The following HS3ST4 variants were observed in gnomAD, a reference collection of about 807,000 sequenced individuals.
The protein encoded by HS3ST4 is heparan sulfate-glucosamine 3-sulfotransferase 4.
Under a neutral mutation model 29.2 loss-of-function variants are expected in HS3ST4, and 17 were observed. The observed-to-expected ratio is 0.58, with a 90% CI of 0.40 to 0.87. The LOEUF is 0.87. Among genes scored for constraint, HS3ST4 ranks in the 40% least tolerant of loss-of-function variants. HS3ST4 has a pLI of 0.00. For synonymous variants in HS3ST4, 314 were observed against 285.7 expected (o/e 1.10, Z -1.00); for missense variants, 627 against 634.5 (o/e 0.99, Z 0.13).
At chr16:25,720,008 A>G (rs1966482496) in intron 1 of HS3ST4, among the ~76,000 whole-genome samples, 1 of 152,194 alleles carries the variant, frequency 6.6e-6, no homozygotes, top group South Asian at 2.1e-4. Flanking sequence ...CTTATATTCT[A>G]TGGGGGAAGA....
Position 25,961,806 on chromosome 16 carries a change from C to CA in HS3ST4, c.735-173797dup, listed in dbSNP as rs5816336. Among the ~76,000 whole-genome samples, 619 of 145,202 alleles carry CA rather than the reference C, an allele frequency of 4.3e-3. 13 individuals carry two copies. The highest frequency in any genetic ancestry group is 6.8e-3 in the Middle Eastern group (2 of 292). On this transcript the variant is annotated intron_variant, in intron 1 of 1. Transcript: ENST00000331351. ...ACTACAAGCCAATGAAAGAGTTGGA[C>CA]AAAAAAAAATTAATGACCTAAAATC...
chr16:25,843,283 A>T (rs777243906), intron 1 of HS3ST4, among the ~76,000 whole-genome samples: 88 of 152,140 alleles, frequency 5.8e-4, no homozygotes, highest in Non-Finnish European at 1.2e-4. Flanking sequence ...CTGGGAGCTG[A>T]CCACTGGAGC....
intron 1 of HS3ST4, among the ~76,000 whole-genome samples, chr16:25,875,523 A>C (rs1174103918): frequency 6.6e-6 from 1 of 152,112 alleles, no homozygotes; most frequent in East Asian, 1.9e-4. Context: ...TCCCTGGTCC[A>C]TCACATTCCC....
chr16:25,952,062 C>T (rs1333614128), intron 1 of HS3ST4, among the ~76,000 whole-genome samples: 1 of 152,098 alleles, frequency 6.6e-6, no homozygotes, highest in Non-Finnish European at 1.5e-5. Flanking sequence ...CTTCATTGTC[C>T]ATAAGTGAAA....
intron 1 of HS3ST4, among the ~76,000 whole-genome samples, chr16:25,810,503 C>A (rs983698978): frequency 2.6e-5 from 4 of 152,128 alleles, no homozygotes. Context: ...AGCTCTACTT[C>A]TCTGTTGCGT....
chr16:26,110,804 A>T (rs1899118471), intron 1 of HS3ST4, among the ~76,000 whole-genome samples: 1 of 151,942 alleles, frequency 6.6e-6, no homozygotes, highest in Admixed American at 6.6e-5. Context: ...TACCTCTCTG[A>T]TCTCTCCTTC....
chr16:25,968,590 T>C (rs917845016), intron 1 of HS3ST4, among the ~76,000 whole-genome samples: 9 of 152,176 alleles, frequency 5.9e-5, no homozygotes, highest in African/African-American at 2.2e-4. Flanking sequence ...CAATGTAGTA[T>C]TTAAGAGAAT....
intron 1 of HS3ST4, among the ~76,000 whole-genome samples, chr16:26,064,906 C>T (rs907020050): frequency 2.0e-5 from 3 of 152,114 alleles, no homozygotes; most frequent in East Asian, 1.9e-4. Flanking sequence ...CATGAGCCAC[C>T]GTGCCCAGCA....
At position 26,096,367 on chromosome 16, in the gene HS3ST4, C is replaced by A. The variant is rs144845123; in HGVS notation, c.735-39245C>A. Among the ~76,000 whole-genome samples the A allele has an allele frequency of 3.7e-3, 568 of 152,274 alleles. 3 individuals carry two copies. Among genetic ancestry groups the A allele is most frequent in the Non-Finnish European group, 6.1e-3 (417 of 68,022 alleles). The stretch of plus-strand genomic sequence containing the variant: ...TCAATAAAATACTGGCAAACCGAAT[C>A]CAGCAGCACATCAAAAAGCTTACCC... On this transcript the variant is annotated intron_variant, in intron 1 of 1. Transcript: ENST00000331351.
At chr16:25,849,726 T>C (rs1967499220) in intron 1 of HS3ST4, among the ~76,000 whole-genome samples, 3 of 151,672 alleles carry the variant, frequency 2.0e-5, no homozygotes, top group African/African-American at 7.3e-5. Flanking sequence ...AGGCTGGTCT[T>C]GAACTCCTGG....
intron 1 of HS3ST4, among the ~76,000 whole-genome samples, chr16:26,128,329 A>G (rs1899373746): frequency 6.6e-6 from 1 of 152,218 alleles, no homozygotes; most frequent in African/African-American, 2.4e-5. Context: ...CGTAATAAGC[A>G]CCAATACATA....
intron 1 of HS3ST4, among the ~76,000 whole-genome samples, chr16:25,966,993 G>C (rs372773054): frequency 5.3e-5 from 8 of 152,290 alleles, no homozygotes; most frequent in African/African-American, 1.4e-4. Flanking sequence ...GAACCTGTTA[G>C]AAACACAATT....
intron 1 of HS3ST4, among the ~76,000 whole-genome samples, chr16:25,924,393 G>A (rs1052123247): frequency 4.6e-5 from 7 of 152,090 alleles, no homozygotes; most frequent in African/African-American, 9.7e-5. Context: ...GCTCTGCACC[G>A]ATCCATTTTC....
chr16:25,982,738 G>A (rs1403556453), intron 1 of HS3ST4, among the ~76,000 whole-genome samples: 2 of 152,128 alleles, frequency 1.3e-5, no homozygotes. Flanking sequence ...GCCGAGGCAG[G>A]AGGATCACTT....
intron 1 of HS3ST4, among the ~76,000 whole-genome samples, chr16:25,801,322 A>G (rs986760653): frequency 6.6e-6 from 1 of 152,164 alleles, no homozygotes; most frequent in Non-Finnish European, 1.5e-5. Flanking sequence ...ATTTATTATC[A>G]TAGATGTGTA....
In HS3ST4 at chr16:25,889,164, A is replaced by G. The variant is rs143344033; in HGVS notation, c.734+196013A>G. Among the ~76,000 whole-genome samples the G allele has an allele frequency of 4.5e-4, 69 of 152,294 alleles. No homozygotes were observed. The East Asian group carries it at 0.011, about 24-fold the overall frequency. On this transcript the variant is annotated intron_variant, in intron 1 of 1. Coordinates refer to ENST00000331351, the MANE Select transcript of HS3ST4 (RefSeq NM_006040.3). ...GTCGAATGTGAAATTGATTTCTTTA[A>G]TGGGGAGTGCTCCGCAGCAGATAGC...
chr16:26,029,222 G>A lies in HS3ST4; in HGVS notation c.735-106390G>A, dbSNP rs992242513. Among the ~76,000 whole-genome samples, 9 of 152,174 alleles carry A rather than the reference G, an allele frequency of 5.9e-5. 1 individual carries two copies. The highest frequency in any genetic ancestry group is 1.7e-4 in the African/African-American group (7 of 41,454). On this transcript the variant is annotated intron_variant, in intron 1 of 1. Transcript: ENST00000331351. Reference sequence around the variant, plus strand: ...GTCACTAGAAAAAAATGAGCTAAGAGTTATGATGCTGTGGTAGCTCAGGGA... The same window carrying A: ...GTCACTAGAAAAAAATGAGCTAAGAATTATGATGCTGTGGTAGCTCAGGGA...
At chr16:25,831,975 G>A (rs1026736240) in intron 1 of HS3ST4, among the ~76,000 whole-genome samples, 1 of 152,012 alleles carries the variant, frequency 6.6e-6, no homozygotes, top group African/African-American at 2.4e-5. Flanking sequence ...GTGTGGTGGT[G>A]CATGTCTGTG....
chr16:25,713,539 AACAAAC>A (rs370800990), intron 1 of HS3ST4, among the ~76,000 whole-genome samples: 199 of 135,434 alleles, frequency 1.5e-3, no homozygotes, highest in African/African-American at 4.6e-3. Context: ...AAAACAAACA[AACAAAC>A]AAACAAACAA....
Sources: allele counts gnomAD v4.1 joint callset (sites outside exome capture counted in the v4.1 genomes callset), GRCh38; gene constraint gnomAD v4.1.1; transcripts MANE v1.5; gene names NCBI Gene and HGNC (gene_info 2026-07-23, HGNC 2026-07-21).